Variants in COL26A1 observed in about 807,000 individuals in gnomAD.
COL26A1 encodes collagen alpha-1(XXVI) chain.
Under a neutral mutation model 59.3 loss-of-function variants are expected in COL26A1, and 41 were observed. The observed-to-expected ratio is 0.69, with a 90% CI of 0.54 to 0.90. The LOEUF is 0.90. Ranked by LOEUF, COL26A1 falls within the 40% of genes least tolerant of loss-of-function variation. The pLI is 0.00. For synonymous variants in COL26A1, 266 were observed against 256.0 expected (o/e 1.04, Z -0.37); for missense variants, 612 against 602.3 (o/e 1.02, Z -0.17).
At chr7:101,556,810 G>A (rs1197431558) in intron 12 of COL26A1, among the ~76,000 whole-genome samples, 1 of 151,708 alleles carries the variant, frequency 6.6e-6, no homozygotes, top group Non-Finnish European at 1.5e-5. Flanking sequence ...GAATAAGTGA[G>A]TGAATGGATG....
intron 2 of COL26A1, among the ~76,000 whole-genome samples, 178 bp from the exon 3 acceptor site, chr7:101,447,506 T>C (rs986719024): frequency 7.9e-5 from 12 of 152,248 alleles, no homozygotes; most frequent in African/African-American, 2.9e-4. Context: ...TCCTCCGTTA[T>C]GATTTTTGCA....
chr7:101,404,883 CAG>C (rs1171451203), intron 1 of COL26A1, among the ~76,000 whole-genome samples: 13 of 152,130 alleles, frequency 8.5e-5, no homozygotes, highest in Admixed American at 8.5e-4. Context: ...GCCTGGGTCA[CAG>C]AGTGAGATTT....
chr7:101,459,426 A>C lies in COL26A1; in HGVS notation c.385+11639A>C, dbSNP rs887987983. 4.0e-5 allele frequency among the ~76,000 whole-genome samples: 6 copies of C among 149,878 alleles called. No homozygotes were observed. The East Asian group carries it at 1.2e-3, about 29-fold the overall frequency. On this transcript the variant is annotated intron_variant, in intron 3 of 12. Transcript: ENST00000313669. ...GCGATTCTCCTGCCTCAGCCTCCTG[A>C]GTAGCTGGAATTACAGGTGCCCACC... is the stretch of plus-strand genomic sequence containing the variant.
At chr7:101,382,873 C>T (rs141100142) in intron 1 of COL26A1, among the ~76,000 whole-genome samples, 1,829 of 152,138 alleles carry the variant, frequency 0.012, 38 homozygotes, top group African/African-American at 0.042. Flanking sequence ...TGGAGAATAT[C>T]GCTACTAAAA....
intron 1 of COL26A1, among the ~76,000 whole-genome samples, chr7:101,386,557 G>T (rs1791581979): frequency 6.6e-6 from 1 of 152,202 alleles, no homozygotes; most frequent in Admixed American, 6.5e-5. Context: ...GGCCCCTGGG[G>T]GTCAGGAGCC....
chr7:101,553,460 C>A, intron 11 of COL26A1, 84 bp downstream of exon 11: 1 of 1,401,464 alleles, frequency 7.1e-7, no homozygotes, highest in Non-Finnish European at 9.9e-7. Context: ...CACAGATCTG[C>A]GCTGACCGTC....
Position 101,545,355 on chromosome 7 carries a change from G to T in COL26A1, c.721G>T (p.Gly241Trp). 6.3e-7 allele frequency: 1 copy of T among 1,576,832 alleles called. No homozygotes were observed. Among genetic ancestry groups the T allele is most frequent in the South Asian group, 1.1e-5 (1 of 87,466 alleles). The change falls in exon 7 of 13, where the codon GGG becomes TGG. Residue 241 changes from glycine to tryptophan, a missense_variant. Gly to Trp is a radical substitution (Grantham distance 184, BLOSUM62 -2). Transcript: ENST00000313669. ...AGPPGLLGPP[G>W]PRGLPGEMGR... ...CATTGCAGGGCTCCTGGGGCCTCCA[G>T]GGCCCCGTGGGCTTCCTGGAGAGAT...
intron 3 of COL26A1, among the ~76,000 whole-genome samples, chr7:101,502,278 G>T (rs1270281449): frequency 1.3e-5 from 2 of 152,192 alleles, no homozygotes; most frequent in Non-Finnish European, 2.9e-5. Context: ...GGAGGCGAAA[G>T]TTGCAGTGAG....
At chr7:101,530,566 TAAAAAAAA>T (rs558473831) in intron 3 of COL26A1, among the ~76,000 whole-genome samples, 3 of 90,248 alleles carry the variant, frequency 3.3e-5, no homozygotes, top group Admixed American at 2.5e-4. Flanking sequence ...ACTCTGTCTT[TAAAAAAAA>T]AAAAAAAAAA....
In COL26A1 at chr7:101,493,933, A is replaced by T. The variant is rs1584460586; in HGVS notation, c.386-39149A>T. Among the ~76,000 whole-genome samples, 4 of 46,990 alleles carry T rather than the reference A, an allele frequency of 8.5e-5. No homozygotes were observed. The South Asian group carries it at 2.1e-3, about 25-fold the overall frequency. 30.8% of individuals were successfully genotyped at this position (46,990 alleles called of 152,430 possible). On this transcript the variant is annotated intron_variant, in intron 3 of 12. Transcript: ENST00000313669. ...GGGCAACAGAGCGAGACTCTGTCTC[A>T]AAAAAAAAAAAAAAATACAGAATGA...
At chr7:101,479,019 A>G (rs1285454675) in intron 3 of COL26A1, among the ~76,000 whole-genome samples, 73 of 152,198 alleles carry the variant, frequency 4.8e-4, no homozygotes, top group Admixed American at 4.8e-3. Context: ...CCCTACTAAC[A>G]GATATATTGC....
chr7:101,461,488 G>T (rs1399770705), intron 3 of COL26A1, among the ~76,000 whole-genome samples: 1 of 151,908 alleles, frequency 6.6e-6, no homozygotes, highest in Non-Finnish European at 1.5e-5. Flanking sequence ...AGTAGAGATG[G>T]GGATTCGCCA....
intron 1 of COL26A1, among the ~76,000 whole-genome samples, chr7:101,394,731 T>C (rs932564536): frequency 4.7e-5 from 7 of 150,354 alleles, no homozygotes; most frequent in Non-Finnish European, 8.9e-5. Flanking sequence ...CCAACCACAC[T>C]CTTTTCTCTC....
At chr7:101,510,325 C>T (rs1372124808) in intron 3 of COL26A1, among the ~76,000 whole-genome samples, 4 of 151,116 alleles carry the variant, frequency 2.6e-5, no homozygotes, top group African/African-American at 9.7e-5. Context: ...TGCACCCGGC[C>T]TCTCAGAGGA....
intron 1 of COL26A1, among the ~76,000 whole-genome samples, chr7:101,363,851 G>T (rs1162388245): frequency 6.6e-6 from 1 of 152,164 alleles, no homozygotes; most frequent in Non-Finnish European, 1.5e-5. Flanking sequence ...GCTTTGTGTC[G>T]CGGAGCAGGT....
chr7:101,482,930 C>A (rs1409351489), intron 3 of COL26A1, among the ~76,000 whole-genome samples: 2 of 152,158 alleles, frequency 1.3e-5, no homozygotes, highest in Non-Finnish European at 2.9e-5. Context: ...GTACTCCAGC[C>A]TGGACGACAA....
intron 5 of COL26A1, among the ~76,000 whole-genome samples, chr7:101,541,278 C>A (rs1795611781): frequency 6.6e-6 from 1 of 152,218 alleles, no homozygotes; most frequent in South Asian, 2.1e-4. Flanking sequence ...GCTCTCTGAA[C>A]TCTCTGGCTG....
At chr7:101,422,577 C>G (rs192518016) in intron 2 of COL26A1, among the ~76,000 whole-genome samples, 1 of 152,080 alleles carries the variant, frequency 6.6e-6, no homozygotes. Flanking sequence ...TCTGATCTGT[C>G]TGTGACCCTG....
intron 3 of COL26A1, among the ~76,000 whole-genome samples, chr7:101,492,708 A>AAATT (rs1453045846): frequency 2.3e-5 from 1 of 42,752 alleles, no homozygotes; most frequent in Non-Finnish European, 4.3e-5. Context: ...AAAAATAAAT[A>AAATT]AATAAATAAA....
Sources: gnomAD v4.1 joint callset for allele counts (sites outside exome capture counted in the v4.1 genomes callset) on GRCh38, gnomAD v4.1.1 for gene constraint, MANE v1.5 for transcripts, NCBI Gene and HGNC (gene_info 2026-07-23, HGNC 2026-07-21) for gene names.